Variants in TMEM51 observed in about 807,000 individuals in gnomAD.
TMEM51 encodes the protein chromosome 1 open reading frame 72.
In TMEM51, 8 loss-of-function variants were observed where a neutral mutation model predicts 13.6. The observed-to-expected ratio is 0.59, with a 90% CI of 0.35 to 1.07. The LOEUF is 1.07. Ranked by LOEUF, TMEM51 falls within the 50% of genes least tolerant of loss-of-function variation. The pLI, the probability that TMEM51 is intolerant of heterozygous loss-of-function variation, is 0.02. For synonymous variants in TMEM51, 147 were observed against 144.4 expected (o/e 1.02, Z -0.13); for missense variants, 279 against 330.7 (o/e 0.84, Z 1.21).
chr1:15,210,957 G>A (rs1384755525), intron 2 of TMEM51, among the ~76,000 whole-genome samples: 5 of 152,128 alleles, frequency 3.3e-5, no homozygotes, highest in African/African-American at 1.2e-4. Flanking sequence ...CAAAGAGAGG[G>A]CTGAACTTGA....
chr1:15,156,892 C>A (rs565702925), intron 1 of TMEM51, among the ~76,000 whole-genome samples: 1 of 152,220 alleles, frequency 6.6e-6, no homozygotes, highest in African/African-American at 2.4e-5. Context: ...TGTTTTGGGC[C>A]CCAGGTTTCT....
chr1:15,212,053 C>CTT (rs1644349642), intron 2 of TMEM51, among the ~76,000 whole-genome samples: 1 of 152,106 alleles, frequency 6.6e-6, no homozygotes, highest in African/African-American at 2.4e-5. Flanking sequence ...GTGCGTGAAC[C>CTT]ATAATTTATT....
intron 1 of TMEM51, among the ~76,000 whole-genome samples, chr1:15,160,059 A>G (rs1022775116): frequency 2.6e-5 from 4 of 152,184 alleles, no homozygotes; most frequent in Non-Finnish European, 5.9e-5. Context: ...TTTCCTCAAC[A>G]GGTAAAATTA....
Position 15,215,398 on chromosome 1 carries a change from C to T in TMEM51, c.311C>T (p.Thr104Ile), listed in dbSNP as rs954651188. 2 of 1,608,862 alleles carry T rather than the reference C, an allele frequency of 1.2e-6. No homozygotes were observed. Among genetic ancestry groups the T allele is most frequent in the South Asian group, 1.1e-5 (1 of 90,910 alleles). ...GACCTGGCCCATGTCCAGCACCCGA[C>T]AGGCGCTGGGCCTCACGCCCAGGAG... ...GEDLAHVQHP[T>I]GAGPHAQEED... The change falls in exon 3 of 4, where the codon ACA (threonine) becomes ATA (isoleucine). Residue 104 changes from threonine to isoleucine, a missense_variant. Thr to Ile is a moderately conservative substitution (Grantham distance 89). Coordinates refer to ENST00000376008, the MANE Select transcript of TMEM51 (RefSeq NM_001136218.2).
At chr1:15,167,945 G>A (rs1643085659) in intron 1 of TMEM51, among the ~76,000 whole-genome samples, 1 of 152,090 alleles carries the variant, frequency 6.6e-6, no homozygotes, top group African/African-American at 2.4e-5. Flanking sequence ...TATGCACATG[G>A]TATAAAAAAA....
chr1:15,193,575 C>CTTTCTTTCTTTTTTTTTTTTT (rs1249772503), intron 1 of TMEM51, among the ~76,000 whole-genome samples: 1 of 114,656 alleles, frequency 8.7e-6, no homozygotes, highest in African/African-American at 3.6e-5. Flanking sequence ...TTCTTTCTTT[C>CTTTCTTTCTTTTTTTTTTTTT]TTTTTTTTTT....
chr1:15,172,185 T>C (rs1643300444), intron 1 of TMEM51, among the ~76,000 whole-genome samples: 1 of 152,046 alleles, frequency 6.6e-6, no homozygotes, highest in Admixed American at 6.6e-5. Context: ...AAGACCAGCC[T>C]GGGCAACATG....
intron 1 of TMEM51, among the ~76,000 whole-genome samples, chr1:15,190,115 G>C (rs920174788): frequency 6.6e-6 from 1 of 151,786 alleles, no homozygotes; most frequent in African/African-American, 2.4e-5. Context: ...TTAGAGCAGG[G>C]CTTGGGGGCA....
At chr1:15,214,747 C>T (rs2100356722) in intron 2 of TMEM51, 148 bp from the exon 3 acceptor site, 1 of 262,182 alleles carries the variant, frequency 3.8e-6, no homozygotes, top group Non-Finnish European at 7.3e-6. Context: ...GCACGTAAGA[C>T]ATCTGGAATG....
At chr1:15,192,162 C>T in intron 1 of TMEM51, 3 of 409,636 alleles carry the variant, frequency 7.3e-6, no homozygotes, top group Admixed American at 2.8e-5. Context: ...ACCGTGCCCT[C>T]TTTAGTCTGC....
chr1:15,167,326 CAAAAAA>C (rs555274126), intron 1 of TMEM51, among the ~76,000 whole-genome samples: 80 of 69,436 alleles, frequency 1.2e-3, no homozygotes, highest in African/African-American at 3.5e-3. Context: ...GACTCCATCT[CAAAAAA>C]AAAAAAAAAA....
At chr1:15,173,365 G>A (rs917896293) in intron 1 of TMEM51, among the ~76,000 whole-genome samples, 2 of 151,728 alleles carry the variant, frequency 1.3e-5, no homozygotes, top group African/African-American at 4.8e-5. Context: ...GATTACAAGC[G>A]CACACTACCA....
At position 15,207,666 on chromosome 1, in the gene TMEM51, G is replaced by A. The variant is rs115375228; in HGVS notation, c.-266-2824G>A. Among the ~76,000 whole-genome samples, 860 of 152,326 alleles carry A rather than the reference G, an allele frequency of 5.6e-3. 10 individuals are homozygous for A. The highest frequency in any genetic ancestry group is 0.02 in the African/African-American group (818 of 41,584). On this transcript the variant is annotated intron_variant, in intron 1 of 3. Coordinates refer to ENST00000376008, the MANE Select transcript of TMEM51 (RefSeq NM_001136218.2). This position sits in a 1 kb window ranked among gnomAD's most constrained non-coding sequence, Gnocchi z 4.6. Reference sequence around the variant, plus strand: ...TTGGCCAGGGGTGTGCACACGAGTGGAAAGAGCCTCTGCCCAGCGTGGAGC... The same window carrying A: ...TTGGCCAGGGGTGTGCACACGAGTGAAAAGAGCCTCTGCCCAGCGTGGAGC...
chr1:15,163,133 C>A (rs1642847273), intron 1 of TMEM51, among the ~76,000 whole-genome samples: 1 of 151,982 alleles, frequency 6.6e-6, no homozygotes, highest in Non-Finnish European at 1.5e-5. Context: ...GGTGTTCTTC[C>A]AGGCTTTGGG....
chr1:15,192,454 T>TC (rs1281531281), intron 1 of TMEM51: 4 of 237,580 alleles, frequency 1.7e-5, no homozygotes, highest in Admixed American at 6.0e-5. Context: ...TTCTTTCTTT[T>TC]CTTTTCCTTT....
intron 3 of TMEM51, 83 bp from the exon 4 acceptor site, chr1:15,219,243 G>A: frequency 7.0e-7 from 1 of 1,429,780 alleles, no homozygotes. Context: ...GCTGTGTGTG[G>A]ACTCTTTGGA....
At chr1:15,213,958 C>T (rs6684016) in intron 2 of TMEM51, among the ~76,000 whole-genome samples, 83,905 of 150,972 alleles carry the variant, frequency 0.56, 23,786 homozygotes, top group East Asian at 0.64. Flanking sequence ...TCTCCTGCCT[C>T]AGCCTCCCAA....
intron 2 of TMEM51, among the ~76,000 whole-genome samples, chr1:15,214,645 T>C (rs1428816296): frequency 1.3e-5 from 2 of 152,224 alleles, no homozygotes; most frequent in Non-Finnish European, 2.9e-5. Context: ...CTTTCTGGCC[T>C]CCAGCAGGGA....
intron 1 of TMEM51, among the ~76,000 whole-genome samples, chr1:15,209,990 C>G (rs1169302049): frequency 6.6e-6 from 1 of 151,930 alleles, no homozygotes; most frequent in African/African-American, 2.4e-5. Context: ...GAGATCACAC[C>G]ACTGCATTCC....
Sources: allele counts gnomAD v4.1 joint callset (sites outside exome capture counted in the v4.1 genomes callset), GRCh38; gene constraint gnomAD v4.1.1; non-coding constraint Gnocchi (gnomAD v3.1); transcripts MANE v1.5; gene names NCBI Gene and HGNC (gene_info 2026-07-23, HGNC 2026-07-21).